Variants in FRY observed in about 807,000 individuals in gnomAD.
FRY encodes FRY microtubule binding protein.
A neutral mutation model predicts 348.4 loss-of-function variants in FRY; 128 were observed. That is an observed-to-expected ratio of 0.37 (90% CI 0.32 to 0.43). The LOEUF is 0.43. FRY is among the 20% of genes least tolerant of loss of function. FRY has a pLI of 1.00. For missense variants in FRY, 2,736 were observed against 3,695.2 expected (o/e 0.74, Z 6.73); for synonymous variants, 1,370 against 1,374.7 (o/e 1.00, Z 0.08).
intron 34 of FRY, 142 bp downstream of exon 34, chr13:32,211,176 A>C (rs1014081580): frequency 1.5e-5 from 12 of 815,570 alleles, no homozygotes; most frequent in East Asian, 1.1e-4. Flanking sequence ...GCTTAAGAAT[A>C]ACTGAGACAT....
intron 37 of FRY, 79 bp from the exon 38 acceptor site, chr13:32,224,854 A>G: frequency 1.1e-6 from 1 of 877,474 alleles, no homozygotes; most frequent in Non-Finnish European, 2.0e-6. Context: ...TAAGAGTTAT[A>G]TTGTACTGTA....
intron 11 of FRY, among the ~76,000 whole-genome samples, chr13:32,139,069 G>A (rs9595005): frequency 0.07 from 10,699 of 152,142 alleles, 1,019 homozygotes; most frequent in African/African-American, 0.21. Context: ...TCCTTGATAA[G>A]ATAAAAATGA....
intron 1 of FRY, among the ~76,000 whole-genome samples, chr13:32,044,987 T>C (rs1366149812): frequency 6.6e-6 from 1 of 152,152 alleles, no homozygotes; most frequent in Non-Finnish European, 1.5e-5. Flanking sequence ...CAATGTTAAT[T>C]GTGTATATGT....
At chr13:32,140,385 A>G (rs1208634849) in intron 11 of FRY, among the ~76,000 whole-genome samples, 5 of 152,224 alleles carry the variant, frequency 3.3e-5, no homozygotes, top group African/African-American at 9.6e-5. Flanking sequence ...ACAGAATGAG[A>G]AAGAATACTC....
At chr13:32,183,060 A>T (rs773042713) in intron 24 of FRY, 26 bp downstream of exon 24, 1 of 1,482,016 alleles carries the variant, frequency 6.7e-7, no homozygotes. Flanking sequence ...TAAAAAATTA[A>T]GGCTTGGTTT....
In FRY at chr13:32,202,379, A is replaced by C; in HGVS notation, c.3870A>C (p.Val1290=). The change falls in exon 31 of 61, where the codon GTA becomes GTC. Residue 1290 remains valine, a synonymous_variant. Transcript: ENST00000542859. The part of the protein sequence containing the change: ...LMQILEAKLF[V]YSKKVAEQRP... ...AGATCCTTGAAGCAAAGCTTTTTGTATACTCAAAGAAAGTCGCTGAGCAAA... is the reference window on the plus strand; with the variant it reads ...AGATCCTTGAAGCAAAGCTTTTTGTCTACTCAAAGAAAGTCGCTGAGCAAA... 6.2e-7 allele frequency: 1 copy of C among 1,614,072 alleles called. No individual in the cohort carries two copies. Among genetic ancestry groups the C allele is most frequent in the Non-Finnish European group, 8.5e-7 (1 of 1,179,972 alleles).
chr13:32,106,822 G>A (rs965711788), intron 3 of FRY, among the ~76,000 whole-genome samples: 1 of 152,156 alleles, frequency 6.6e-6, no homozygotes, highest in Non-Finnish European at 1.5e-5. Context: ...ACAGCTAGAT[G>A]TATCCACTAG....
intron 1 of FRY, among the ~76,000 whole-genome samples, chr13:32,063,218 T>G (rs2138451863): frequency 1.3e-5 from 2 of 152,316 alleles, no homozygotes; most frequent in South Asian, 4.1e-4. Context: ...CACGTCCAGT[T>G]TGCATAGTCT....
chr13:32,039,455 C>G (rs1411431971), intron 1 of FRY, among the ~76,000 whole-genome samples: 3 of 151,648 alleles, frequency 2.0e-5, no homozygotes, highest in East Asian at 3.9e-4. Flanking sequence ...CTGTCTGTCT[C>G]TCTCTCTCTT....
chr13:32,214,219 T>A (rs1282521888), intron 35 of FRY, among the ~76,000 whole-genome samples: 2 of 152,356 alleles, frequency 1.3e-5, no homozygotes, highest in East Asian at 3.9e-4. Context: ...TCAGTCTACT[T>A]ATCACCCTTC....
rs1359894818 is a variant in FRY, at chr13:32,289,662, G to A, written c.8499G>A (p.Lys2833=). 1.2e-6 allele frequency: 2 copies of A among 1,609,672 alleles called. No individual in the cohort carries two copies. Among genetic ancestry groups the A allele is most frequent in the East Asian group, 2.2e-5 (1 of 44,860 alleles). Reference sequence around the variant, plus strand: ...TGGAACTGTGTCAGAGATTATATAAGCTACACTTCCAGCTGCTATTGCTTT... The same window carrying A: ...TGGAACTGTGTCAGAGATTATATAAACTACACTTCCAGCTGCTATTGCTTT... The part of the protein sequence containing the change: ...KQLELCQRLY[K]LHFQLLLLFQ... Residue 2833 remains lysine (K), a synonymous_variant, in exon 59 of 61, where the codon AAG becomes AAA. Coordinates refer to ENST00000542859, the MANE Select transcript of FRY (RefSeq NM_023037.3).
At position 32,120,484 on chromosome 13, in the gene FRY, G is replaced by A. The variant is rs561195799; in HGVS notation, c.464+3011G>A. 1.9e-4 allele frequency among the ~76,000 whole-genome samples: 29 copies of A among 151,630 alleles called. No individual in the cohort carries two copies. In the East Asian group the frequency reaches 3.1e-3, roughly 16 times the overall value. ...TTTTTAAACATTTATTTATTTTTCC[G>A]TACGTTATTGGGGTACAGGTGGTAT... is the stretch of plus-strand genomic sequence containing the variant. On this transcript the variant is annotated intron_variant, in intron 4 of 60. Transcript: ENST00000542859.
chr13:32,165,821 A>G (rs895477010), intron 17 of FRY, among the ~76,000 whole-genome samples: 1 of 152,198 alleles, frequency 6.6e-6, no homozygotes, highest in Non-Finnish European at 1.5e-5. Context: ...TTTTCCATTA[A>G]AAGTCATATT....
In FRY at chr13:32,102,028, A is replaced by G. The variant is rs1024612213; in HGVS notation, c.324+12A>G. The G allele has an allele frequency of 6.3e-6, 9 of 1,434,670 alleles. No homozygotes were observed. Among genetic ancestry groups the G allele is most frequent in the Non-Finnish European group, 8.9e-6 (9 of 1,016,106 alleles). 88.9% of individuals were successfully genotyped at this position (1,434,670 alleles called of 1,614,324 possible). The stretch of plus-strand genomic sequence containing the variant: ...CCCAATTTGATCAGGTATGTGATAT[A>G]TATGTTATATACTAGTTTTCCTTTA... On this transcript the variant is annotated intron_variant, in intron 3 of 60. Transcript: ENST00000542859.
At chr13:32,198,870 A>G (rs1883843287) in intron 29 of FRY, among the ~76,000 whole-genome samples, 1 of 152,224 alleles carries the variant, frequency 6.6e-6, no homozygotes, top group Non-Finnish European at 1.5e-5. Flanking sequence ...TTGGATGGCA[A>G]TATATCAGTA....
At chr13:32,108,418 T>A (rs552830195) in intron 3 of FRY, among the ~76,000 whole-genome samples, 4 of 152,288 alleles carry the variant, frequency 2.6e-5, no homozygotes, top group South Asian at 4.1e-4. Context: ...ACACTATCAG[T>A]TATCTTTGAG....
intron 1 of FRY, among the ~76,000 whole-genome samples, chr13:32,037,630 A>G (rs1022337887): frequency 1.3e-5 from 2 of 152,342 alleles, no homozygotes; most frequent in Non-Finnish European, 2.9e-5. Flanking sequence ...AGAAGAGATG[A>G]CCCGGATAAT....
At chr13:32,275,023 G>A (rs1208545526) in intron 56 of FRY, 32 bp downstream of exon 56, 2 of 1,595,722 alleles carry the variant, frequency 1.3e-6, no homozygotes, top group East Asian at 4.5e-5. Flanking sequence ...TGACAGTGAA[G>A]GGCCTACGCA....
intron 44 of FRY, among the ~76,000 whole-genome samples, chr13:32,238,730 G>A (rs1478183876): frequency 2.0e-5 from 3 of 152,180 alleles, no homozygotes; most frequent in South Asian, 2.1e-4. Context: ...GATTACAGGT[G>A]TGAGCCACCA....
Sources: gnomAD v4.1 joint callset for allele counts (sites outside exome capture counted in the v4.1 genomes callset) on GRCh38, gnomAD v4.1.1 for gene constraint, MANE v1.5 for transcripts, NCBI Gene and HGNC (gene_info 2026-07-23, HGNC 2026-07-21) for gene names.